Variants in ANK2 observed in about 807,000 individuals in gnomAD.
ANK2 encodes ankyrin 2.
ANK2 carries 83 observed loss-of-function variants against 360.5 expected under a neutral mutation model. The ratio of observed to expected loss-of-function variants is 0.23; its 90% CI spans 0.19 to 0.28. The LOEUF is 0.28. Among genes scored for constraint, ANK2 ranks in the 10% least tolerant of loss-of-function variants. ANK2 has a pLI of 1.00. For missense variants in ANK2, 4,201 were observed against 4,795.7 expected, an observed-to-expected ratio of 0.88 and a Z score of 3.66; for synonymous variants, 1,740 against 1,759.5, an observed-to-expected ratio of 0.99 and a Z score of 0.28.
chr4:112,794,515 A>G, the ANK2 span, among the ~76,000 whole-genome samples: 2,016 of 152,362 alleles, frequency 0.013, 17 homozygotes, highest in Non-Finnish European at 0.02. Flanking sequence ...TGATTAAGTC[A>G]AAAAGGTCTA....
At chr4:112,932,128 G>T (rs929408781) in intron 2 of ANK2, among the ~76,000 whole-genome samples, 1 of 152,114 alleles carries the variant, frequency 6.6e-6, no homozygotes, top group Non-Finnish European at 1.5e-5. Context: ...AGGCTGAGAC[G>T]GGTGGATCAC....
chr4:113,196,949 T>C (rs1295953298), intron 3 of ANK2, among the ~76,000 whole-genome samples: 12 of 152,232 alleles, frequency 7.9e-5, no homozygotes, highest in African/African-American at 2.4e-5. Flanking sequence ...TAAGGACTTA[T>C]GGGACATCAG....
At chr4:113,180,948 T>C (rs563752579) in intron 2 of ANK2, among the ~76,000 whole-genome samples, 5 of 152,330 alleles carry the variant, frequency 3.3e-5, no homozygotes, top group African/African-American at 9.6e-5. Flanking sequence ...TTTCGATGCA[T>C]CAGTGCTGGT....
chr4:112,726,797 G>A, the ANK2 span, among the ~76,000 whole-genome samples: 1 of 144,042 alleles, frequency 6.9e-6, no homozygotes, highest in Non-Finnish European at 1.5e-5. Context: ...CTTGCAGTGA[G>A]CCAAGATCAC....
At position 112,944,596 on chromosome 4, in the gene ANK2, T is replaced by C. The variant is rs565464973; in HGVS notation, c.21+40082T>C. 5.9e-5 allele frequency among the ~76,000 whole-genome samples: 9 copies of C among 152,194 alleles called. No individual in the cohort carries two copies. The South Asian group carries it at 1.2e-3, about 21-fold the overall frequency. On this transcript the variant is annotated intron_variant, in intron 2 of 30. Transcript: ENST00000503271. ...TCCTCTGTCCCACCCCCCTTCCCCA[T>C]TGGGACCTCTAAATGGGTGGATATC...
At chr4:112,826,180 C>T (rs972959743) in intron 1 of ANK2, 4 of 290,554 alleles carry the variant, frequency 1.4e-5, no homozygotes, top group African/African-American at 6.6e-5. Context: ...GTAAGATGAA[C>T]TTGCCCCAAA....
the ANK2 span, among the ~76,000 whole-genome samples, chr4:112,720,305 TTA>T: frequency 7.2e-5 from 11 of 152,190 alleles, no homozygotes; most frequent in Non-Finnish European, 1.5e-5. Flanking sequence ...ATCTCTTCCT[TTA>T]TGTCTTGTGG....
intron 2 of ANK2, among the ~76,000 whole-genome samples, chr4:113,002,573 G>C (rs988666061): frequency 6.6e-6 from 1 of 151,688 alleles, no homozygotes; most frequent in Non-Finnish European, 1.5e-5. Context: ...GGGGTGGGGG[G>C]AGAGGGGAGG....
At chr4:112,712,699 GC>G in the ANK2 span, among the ~76,000 whole-genome samples, 1 of 151,860 alleles carries the variant, frequency 6.6e-6, no homozygotes, top group Middle Eastern at 3.2e-3. Context: ...GAGCCACTGC[GC>G]CCGGCCAAGA....
chr4:113,015,153 C>G (rs1020392170), intron 2 of ANK2, among the ~76,000 whole-genome samples: 2 of 152,100 alleles, frequency 1.3e-5, no homozygotes, highest in African/African-American at 2.4e-5. Context: ...CCACCGCGCC[C>G]GGCCAGAGCT....
chr4:113,317,528 G>A (rs914153105), intron 24 of ANK2, 179 bp from the exon 25 acceptor site: 1 of 658,146 alleles, frequency 1.5e-6, no homozygotes, highest in East Asian at 2.8e-5. Flanking sequence ...ACCTGTCAAA[G>A]GATGTGTTAG....
At chr4:112,996,192 T>A (rs1167026191) in intron 2 of ANK2, among the ~76,000 whole-genome samples, 1 of 152,176 alleles carries the variant, frequency 6.6e-6, no homozygotes, top group African/African-American at 2.4e-5. Flanking sequence ...GAATCTGTGT[T>A]GTATGAAAAA....
Position 112,952,135 on chromosome 4 carries a change from A to G in ANK2, c.21+47621A>G, listed in dbSNP as rs145349244. Among the ~76,000 whole-genome samples the G allele has an allele frequency of 2.7e-4, 41 of 152,308 alleles. No homozygotes were observed. The East Asian group carries it at 6.9e-3, about 26-fold the overall frequency. ...AATATTCCCACTAACGTTGATGTCA[A>G]TCTACCAATGTGAAAACACAGAACC... is the stretch of plus-strand genomic sequence containing the variant. On this transcript the variant is annotated intron_variant, in intron 2 of 30. Coordinates refer to the ANK2 transcript ENST00000503271.
intron 28 of ANK2, 104 bp from the exon 29 acceptor site, chr4:113,332,950 C>T: frequency 6.4e-7 from 1 of 1,552,778 alleles, no homozygotes; most frequent in South Asian, 1.1e-5. Context: ...GTCCCTGTCC[C>T]CAGCAAAAGA....
At chr4:112,908,748 T>TCCTGA (rs1317712322) in intron 2 of ANK2, among the ~76,000 whole-genome samples, 1 of 152,188 alleles carries the variant, frequency 6.6e-6, no homozygotes, top group African/African-American at 2.4e-5. Context: ...CCCATGGTTT[T>TCCTGA]CCTGACTTTG....
chr4:113,342,199 T>C (rs180889225), intron 33 of ANK2, among the ~76,000 whole-genome samples: 84 of 152,340 alleles, frequency 5.5e-4, no homozygotes, highest in African/African-American at 1.9e-3. Context: ...TGTAAGTGAC[T>C]GTAGTACTTT....
At chr4:112,910,803 G>T (rs2086892365) in intron 2 of ANK2, among the ~76,000 whole-genome samples, 1 of 152,022 alleles carries the variant, frequency 6.6e-6, no homozygotes. Context: ...GATTTTAGAG[G>T]CAATGTTTAA....
intron 2 of ANK2, among the ~76,000 whole-genome samples, chr4:112,996,498 A>G (rs1215710026): frequency 6.6e-6 from 1 of 152,194 alleles, no homozygotes; most frequent in Admixed American, 6.5e-5. Flanking sequence ...ATAGAATGTA[A>G]TAGGAACAGC....
At chr4:112,710,919 A>G in the ANK2 span, among the ~76,000 whole-genome samples, 1 of 139,442 alleles carries the variant, frequency 7.2e-6, no homozygotes. Flanking sequence ...ATATATATAT[A>G]TATATGTATA....
Sources: allele counts gnomAD v4.1 joint callset (sites outside exome capture counted in the v4.1 genomes callset), GRCh38; gene constraint gnomAD v4.1.1; transcripts MANE v1.5; gene names NCBI Gene and HGNC (gene_info 2026-07-23, HGNC 2026-07-21).